The following TRPC4 variants were observed in gnomAD, a reference collection of about 807,000 sequenced individuals.
TRPC4 encodes transient receptor potential cation channel subfamily C member 4, also known as short transient receptor potential channel 4.
A neutral mutation model predicts 99.4 loss-of-function variants in TRPC4; 49 were observed. The ratio of observed to expected loss-of-function variants is 0.49; its 90% confidence interval spans 0.39 to 0.63. The LOEUF is 0.63. Ranked by LOEUF, TRPC4 falls within the 20% of genes least tolerant of loss-of-function variation. The pLI is 0.00. For synonymous variants in TRPC4, 454 were observed against 425.9 expected, an observed-to-expected ratio of 1.07 and a Z score of -0.81; for missense variants, 898 against 1,152.9, an observed-to-expected ratio of 0.78 and a Z score of 3.20.
In TRPC4 at chr13:37,779,227, T is replaced by G. The variant is rs78273435; in HGVS notation, c.378+3729A>C. Among the ~76,000 whole-genome samples the G allele has an allele frequency of 5.9e-5, 9 of 152,172 alleles. No individual in the cohort carries two copies. The East Asian group carries it at 1.7e-3, about 30-fold the overall frequency. On this transcript the variant is annotated intron_variant, in intron 2 of 10. Transcript: ENST00000379705. Reference sequence around the variant, plus strand: ...AAATAATGAAAAGTCAAGTTACCAATCAATGGACTGAAATGAGGGTTAAGA... The same window carrying G: ...AAATAATGAAAAGTCAAGTTACCAAGCAATGGACTGAAATGAGGGTTAAGA...
intron 3 of TRPC4, among the ~76,000 whole-genome samples, chr13:37,727,038 T>G (rs914050273): frequency 6.6e-6 from 1 of 152,072 alleles, no homozygotes; most frequent in Non-Finnish European, 1.5e-5. Flanking sequence ...AATCTTCCTT[T>G]AAGTAATGAA....
intron 1 of TRPC4, among the ~76,000 whole-genome samples, chr13:37,812,761 A>C (rs1957738945): frequency 6.6e-6 from 1 of 152,140 alleles, no homozygotes; most frequent in South Asian, 2.1e-4. Context: ...AAATACAAGA[A>C]GTTTAATAAA....
At chr13:37,689,282 T>G (rs1490370475) in intron 4 of TRPC4, among the ~76,000 whole-genome samples, 1 of 152,170 alleles carries the variant, frequency 6.6e-6, no homozygotes, top group Non-Finnish European at 1.5e-5. Flanking sequence ...TGGTAGAACC[T>G]GGGCATGGAT....
chr13:37,755,921 C>A (rs1284605444), intron 2 of TRPC4, among the ~76,000 whole-genome samples: 1 of 151,838 alleles, frequency 6.6e-6, no homozygotes, highest in Non-Finnish European at 1.5e-5. Context: ...TTTAGCTTCC[C>A]CTTGTGTTTA....
chr13:37,821,355 G>A (rs1199347069), intron 1 of TRPC4, among the ~76,000 whole-genome samples: 4 of 151,950 alleles, frequency 2.6e-5, no homozygotes, highest in African/African-American at 9.7e-5. Flanking sequence ...TTCATGAATA[G>A]GAATAATCAA....
intron 4 of TRPC4, among the ~76,000 whole-genome samples, chr13:37,687,045 A>G (rs1953506194): frequency 6.6e-6 from 1 of 151,828 alleles, no homozygotes; most frequent in African/African-American, 2.4e-5. Context: ...GCTCACTGCA[A>G]CCTCTGCCTC....
At chr13:37,778,496 C>A (rs1956763478) in intron 2 of TRPC4, among the ~76,000 whole-genome samples, 1 of 151,874 alleles carries the variant, frequency 6.6e-6, no homozygotes, top group Non-Finnish European at 1.5e-5. Flanking sequence ...TGGTTGCTAG[C>A]TATTAATTTA....
At chr13:37,795,436 C>T (rs1340088435) in intron 1 of TRPC4, among the ~76,000 whole-genome samples, 1 of 152,070 alleles carries the variant, frequency 6.6e-6, no homozygotes, top group East Asian at 1.9e-4. Flanking sequence ...CACTTTGTGG[C>T]AAGGTCTTCA....
chr13:37,637,211 C>G lies in TRPC4; in HGVS notation c.2626G>C (p.Ala876Pro), dbSNP rs751793234. The G allele has an allele frequency of 3.1e-6, 5 of 1,613,920 alleles. No individual in the cohort carries two copies. Among genetic ancestry groups the G allele is most frequent in the Non-Finnish European group, 4.2e-6 (5 of 1,179,892 alleles). ...SVSEEVARQQ[A>P]AGPLERNIQL... is the part of the protein sequence containing the mutation. ...ATATTTCTCTCAAGTGGTCCTGCAGCCTGTTGACGAGCAACTTCTTCTGAA... is the reference window on the plus strand; with the variant it reads ...ATATTTCTCTCAAGTGGTCCTGCAGGCTGTTGACGAGCAACTTCTTCTGAA... Residue 876 changes from alanine to proline, a missense_variant, in exon 11 of 11, where the codon GCT (alanine) becomes CCT (proline). By Grantham distance (27) the Ala-to-Pro change is conservative. Around this residue, in one of 3 missense-constraint regions of TRPC4, gnomAD observed 346 missense variants for 351.4 expected, o/e 0.98. Transcript: ENST00000379705.
intron 1 of TRPC4, among the ~76,000 whole-genome samples, chr13:37,811,746 A>T (rs532888454): frequency 1.5e-4 from 23 of 152,256 alleles, no homozygotes; most frequent in Admixed American, 2.0e-4. Flanking sequence ...CCCACTTTCC[A>T]AAACGGAAAA....
At chr13:37,695,606 A>G (rs1953879060) in intron 3 of TRPC4, among the ~76,000 whole-genome samples, 2 of 152,226 alleles carry the variant, frequency 1.3e-5, no homozygotes, top group South Asian at 4.1e-4. Context: ...TAAAATTCAT[A>G]TTAAAACACT....
intron 5 of TRPC4, among the ~76,000 whole-genome samples, chr13:37,668,688 T>C (rs1952733763): frequency 6.6e-6 from 1 of 152,138 alleles, no homozygotes; most frequent in African/African-American, 2.4e-5. Flanking sequence ...TCCTCTGTAG[T>C]CTCTGATGCA....
chr13:37,633,302 G>A lies in TRPC4; in HGVS notation c.*3601C>T, dbSNP rs1951432793. ...AAATATATTGTAAGCATATTTACAGGGCCACAATGGATGGTTCTTACTAGG... is the reference window on the plus strand; with the variant it reads ...AAATATATTGTAAGCATATTTACAGAGCCACAATGGATGGTTCTTACTAGG... On this transcript the variant is annotated 3_prime_UTR_variant, in exon 11 of 11. Coordinates refer to ENST00000379705, the MANE Select transcript of TRPC4 (RefSeq NM_016179.4). 6.6e-6 allele frequency among the ~76,000 whole-genome samples: 1 copy of A among 151,982 alleles called. No homozygotes were observed. The highest frequency in any genetic ancestry group is 2.4e-5 in the African/African-American group (1 of 41,392).
intron 1 of TRPC4, among the ~76,000 whole-genome samples, chr13:37,827,989 A>G (rs555380504): frequency 1.3e-5 from 2 of 152,302 alleles, no homozygotes; most frequent in Admixed American, 1.3e-4. Flanking sequence ...CCGTTTTTTA[A>G]GCCCGTCGGA....
chr13:37,643,101 C>T (rs915300838), intron 8 of TRPC4, among the ~76,000 whole-genome samples: 17 of 152,154 alleles, frequency 1.1e-4, no homozygotes, highest in African/African-American at 3.6e-4. Flanking sequence ...GCTTTGCCTC[C>T]TATCTGAGTC....
chr13:37,667,842 C>T (rs987583007), intron 5 of TRPC4, among the ~76,000 whole-genome samples: 24 of 152,286 alleles, frequency 1.6e-4, no homozygotes, highest in African/African-American at 5.5e-4. Flanking sequence ...ACATTCTTAC[C>T]AAAATGCTTT....
intron 5 of TRPC4, among the ~76,000 whole-genome samples, chr13:37,664,505 C>T (rs556539642): frequency 1.3e-5 from 2 of 151,848 alleles, no homozygotes; most frequent in South Asian, 2.1e-4. Flanking sequence ...ACTTGGGAGA[C>T]TGAGGTTGTG....
At position 37,842,372 on chromosome 13, in the gene TRPC4, G is replaced by GAAAAAAAAAAAAAA. The variant is rs1566216069; in HGVS notation, c.-28+27222_-28+27223insTTTTTTTTTTTTTT. On this transcript the variant is annotated intron_variant, in intron 1 of 10. Coordinates refer to ENST00000379705, the MANE Select transcript of TRPC4 (RefSeq NM_016179.4). ...AAAAAAAAAAAAAAAAAAAAAAAAG[G>GAAAAAAAAAAAAAA]AAAAGGAAAAGTATAAATCGGGGGC... Among the ~76,000 whole-genome samples the GAAAAAAAAAAAAAA allele has an allele frequency of 4.0e-4, 29 of 72,084 alleles. 2 individuals carry two copies. Among genetic ancestry groups the GAAAAAAAAAAAAAA allele is most frequent in the Non-Finnish European group, 5.1e-4 (18 of 34,980 alleles). The allele number at this position is 72,084 out of a possible 152,430, so 47.3% of individuals were successfully genotyped here. A position where few individuals can be genotyped will look rare whatever the true frequency, so the allele number is the denominator to read the frequency against.
chr13:37,793,123 A>G (rs548839992), intron 1 of TRPC4, among the ~76,000 whole-genome samples: 1 of 152,180 alleles, frequency 6.6e-6, no homozygotes, highest in Non-Finnish European at 1.5e-5. Flanking sequence ...AATATTTTGT[A>G]GCACCATGAG....
Sources: gnomAD v4.1 joint callset for allele counts (sites outside exome capture counted in the v4.1 genomes callset) on GRCh38, gnomAD v4.1.1 for gene constraint, gnomAD v4.1.1 regional missense constraint, MANE v1.5 for transcripts, NCBI Gene and HGNC (gene_info 2026-07-23, HGNC 2026-07-21) for gene names.